PMEPA1: variants seen among roughly 807,000 people sequenced by gnomAD.
The protein encoded by PMEPA1 is protein TMEPAI.
Under a neutral mutation model 23.0 loss-of-function variants are expected in PMEPA1, and 11 were observed. The ratio of observed to expected loss-of-function variants is 0.48; its 90% CI spans 0.30 to 0.79. PMEPA1 has a LOEUF of 0.79. PMEPA1 is among the 30% of genes least tolerant of loss of function. The pLI, the probability that PMEPA1 is intolerant of heterozygous loss-of-function variation, is 0.06. For missense variants in PMEPA1, 377 were observed against 390.9 expected, an observed-to-expected ratio of 0.96 and a Z score of 0.30; for synonymous variants, 204 against 166.4, an observed-to-expected ratio of 1.23 and a Z score of -1.74.
At chr20:57,669,251 C>T (rs1010003157) in intron 1 of PMEPA1, among the ~76,000 whole-genome samples, 1 of 152,128 alleles carries the variant, frequency 6.6e-6, no homozygotes, top group African/African-American at 2.4e-5. Context: ...CAACCTCCAC[C>T]TCCTGGTCAG....
In PMEPA1 at chr20:57,683,564, T is replaced by C. The variant is rs867618588; in HGVS notation, c.110-23867A>G. On this transcript the variant is annotated intron_variant, in intron 1 of 3. Transcript: ENST00000341744. This position sits in a 1 kb window ranked among gnomAD's most constrained non-coding sequence, Gnocchi z 4.3. The stretch of plus-strand genomic sequence containing the variant: ...GTTCTGGCCTGTGTGCGTGTGTGTG[T>C]GTGTGTGTGTGTGTGTGTGTTTCTT... 1.7e-4 allele frequency among the ~76,000 whole-genome samples: 25 copies of C among 149,776 alleles called. No individual in the cohort carries two copies. Among genetic ancestry groups the C allele is most frequent in the South Asian group, 2.2e-4 (1 of 4,452 alleles).
At chr20:57,665,655 CCT>C (rs967680571) in intron 1 of PMEPA1, among the ~76,000 whole-genome samples, 9 of 152,322 alleles carry the variant, frequency 5.9e-5, no homozygotes, top group South Asian at 2.1e-4. Flanking sequence ...CCCTCGTTCC[CCT>C]GATGGTCCCT....
intron 1 of PMEPA1, among the ~76,000 whole-genome samples, chr20:57,686,771 C>G (rs997170478): frequency 6.6e-6 from 1 of 152,252 alleles, no homozygotes; most frequent in Non-Finnish European, 1.5e-5. Flanking sequence ...GAGGAGATGA[C>G]AGTGCACACC....
intron 1 of PMEPA1, among the ~76,000 whole-genome samples, chr20:57,669,114 C>A (rs1012619473): frequency 6.6e-6 from 1 of 151,786 alleles, no homozygotes; most frequent in Admixed American, 6.6e-5. Context: ...AAGGCAGGCA[C>A]GTAATGACTA....
chr20:57,665,773 C>G (rs919231972), intron 1 of PMEPA1, among the ~76,000 whole-genome samples: 1 of 152,204 alleles, frequency 6.6e-6, no homozygotes, highest in African/African-American at 2.4e-5. Context: ...AAGTCAGTCC[C>G]AAAGGTCACC....
chr20:57,655,246 T>C lies in PMEPA1; in HGVS notation c.265-2160A>G, dbSNP rs2071310722. The stretch of plus-strand genomic sequence containing the variant: ...TCTTTCCTCCCTTTCCTGAAGAACT[T>C]TGACTGGCCCCTCAAGCCTCTGCCC... On this transcript the variant is annotated intron_variant, in intron 2 of 3. Transcript: ENST00000341744. The surrounding 1 kb of genome is among the most constrained non-coding windows in gnomAD (Gnocchi z 4.2). Among the ~76,000 whole-genome samples, 1 of 152,148 alleles carries C rather than the reference T, an allele frequency of 6.6e-6. No homozygotes were observed. The highest frequency in any genetic ancestry group is 1.5e-5 in the Non-Finnish European group (1 of 68,030).
chr20:57,670,980 G>A (rs535211642), intron 1 of PMEPA1, among the ~76,000 whole-genome samples: 4 of 152,262 alleles, frequency 2.6e-5, no homozygotes, highest in Non-Finnish European at 4.4e-5. Flanking sequence ...CAGCGCGGCC[G>A]TGGGTGAGCC....
chr20:57,652,033 G>C lies in PMEPA1; in HGVS notation c.*20C>G, dbSNP rs1600768127. ...CTGCCTTTTCACCTACGCAGCCCCA[G>C]CCCGGCCCCCCTGGGGACCCTAGAG... is the stretch of plus-strand genomic sequence containing the variant. On this transcript the variant is annotated 3_prime_UTR_variant, in exon 4 of 4. Transcript: ENST00000341744. This position sits in a 1 kb window ranked among gnomAD's most constrained non-coding sequence, Gnocchi z 6.1. 6.9e-7 allele frequency: 1 copy of C among 1,457,454 alleles called. No homozygotes were observed. The highest frequency in any genetic ancestry group is 1.8e-4 in the Middle Eastern group (1 of 5,536). 90.3% of individuals were successfully genotyped at this position (1,457,454 alleles called of 1,614,324 possible).
chr20:57,688,655 T>G (rs897968531), intron 1 of PMEPA1, among the ~76,000 whole-genome samples: 3 of 152,194 alleles, frequency 2.0e-5, no homozygotes, highest in Admixed American at 6.5e-5. Flanking sequence ...TCATTCTCCC[T>G]AAGGAATCAC....
intron 1 of PMEPA1, among the ~76,000 whole-genome samples, chr20:57,706,094 G>T (rs1192682750): frequency 6.6e-6 from 1 of 152,228 alleles, no homozygotes; most frequent in Non-Finnish European, 1.5e-5. Context: ...ACTCTGGCCA[G>T]TGGGTGATGT....
rs754533422 is a variant in PMEPA1, at chr20:57,709,479, T to A, written c.104A>T (p.Glu35Val). The A allele has an allele frequency of 8.8e-7, 1 of 1,132,636 alleles. No individual in the cohort carries two copies. The highest frequency in any genetic ancestry group is 3.8e-5 in the Admixed American group (1 of 26,538). The allele number at this position is 1,132,636 out of a possible 1,614,324, so 70.2% of individuals were successfully genotyped here. ...GGGGGCGTGGGGTCACTCACTGATC[T>A]CCATGCTCTGGAACAAAGAGCGTTT... ...NCKRSLFQSM[E>V]ITELEFVQII... Residue 35 changes from glutamate to valine, a missense_variant, in exon 1 of 4, where the codon GAG (glutamate) becomes GTG (valine). Physicochemically the swap from Glu to Val is moderately radical, Grantham distance 121. Coordinates refer to ENST00000341744, the MANE Select transcript of PMEPA1 (RefSeq NM_020182.5).
At chr20:57,698,116 G>A (rs13043471) in intron 1 of PMEPA1, among the ~76,000 whole-genome samples, 52,623 of 152,076 alleles carry the variant, frequency 0.35, 10,528 homozygotes, top group Non-Finnish European at 0.45. Context: ...CATCCCTCCC[G>A]TGTCAGCCTG....
rs2071273468 is a variant in PMEPA1, at chr20:57,652,924, AGAG to A, written c.318+106_318+108del. On this transcript the variant is annotated intron_variant, in intron 3 of 3. Coordinates refer to ENST00000341744, the MANE Select transcript of PMEPA1 (RefSeq NM_020182.5). The surrounding 1 kb of genome is among the most constrained non-coding windows in gnomAD (Gnocchi z 6.1). ...AGGATCCCAGCAGCAAGGGCACTGC[AGAG>A]GAGGGCGGAGGGGTGAGCCTTTAGC... is the stretch of plus-strand genomic sequence containing the variant. 9 of 928,630 alleles carry A rather than the reference AGAG, an allele frequency of 9.7e-6. No individual in the cohort carries two copies. Among genetic ancestry groups the A allele is most frequent in the South Asian group, 7.0e-5 (5 of 71,790 alleles). The allele number at this position is 928,630 out of a possible 1,614,324, so 57.5% of individuals were successfully genotyped here.
intron 1 of PMEPA1, among the ~76,000 whole-genome samples, chr20:57,662,443 A>C (rs1234428715): frequency 4.6e-5 from 7 of 152,158 alleles, no homozygotes; most frequent in Admixed American, 4.6e-4. Flanking sequence ...GGCTTTCCCA[A>C]GCCCCGAGAA....
At chr20:57,697,006 T>G (rs1391780179) in intron 1 of PMEPA1, among the ~76,000 whole-genome samples, 1 of 152,226 alleles carries the variant, frequency 6.6e-6, no homozygotes, top group South Asian at 2.1e-4. Context: ...GCTGCTTCAC[T>G]GAAGTGTGGG....
intron 1 of PMEPA1, among the ~76,000 whole-genome samples, chr20:57,669,099 TC>T (rs1396075551): frequency 6.6e-6 from 1 of 152,126 alleles, no homozygotes; most frequent in Non-Finnish European, 1.5e-5. Context: ...AATGGTGCCT[TC>T]CCCAAGGCAG....
At chr20:57,689,944 C>G (rs573383864) in intron 1 of PMEPA1, among the ~76,000 whole-genome samples, 1 of 152,376 alleles carries the variant, frequency 6.6e-6, no homozygotes, top group East Asian at 1.9e-4. Context: ...GTGGCTGCAT[C>G]GCCCGGCAGC....
intron 1 of PMEPA1, among the ~76,000 whole-genome samples, chr20:57,706,564 T>C (rs1339543174): frequency 6.6e-6 from 1 of 151,254 alleles, no homozygotes; most frequent in Non-Finnish European, 1.5e-5. Context: ...GCCCCAGGAG[T>C]GTCCTGTTAC....
intron 1 of PMEPA1, among the ~76,000 whole-genome samples, chr20:57,695,814 T>C (rs1465816739): frequency 6.6e-6 from 1 of 152,126 alleles, no homozygotes; most frequent in Non-Finnish European, 1.5e-5. Context: ...TGCCACACCC[T>C]GGAATTACCT....
Sources: allele counts gnomAD v4.1 joint callset (sites outside exome capture counted in the v4.1 genomes callset), GRCh38; gene constraint gnomAD v4.1.1; non-coding constraint Gnocchi (gnomAD v3.1); transcripts MANE v1.5; gene names NCBI Gene and HGNC (gene_info 2026-07-23, HGNC 2026-07-21).